The following HHLA2 variants were observed in gnomAD, a reference collection of about 807,000 sequenced individuals.
The protein encoded by HHLA2 is HHLA2 member of B7 family, also known as HERV-H LTR-associating protein 2.
HHLA2 carries 48 observed loss-of-function variants against 45.9 expected under a neutral mutation model. The observed-to-expected ratio is 1.05, with a 90% confidence interval of 0.83 to 1.33. HHLA2 has a LOEUF of 1.33. HHLA2 is among the 40% of genes most tolerant of loss of function. HHLA2 has a pLI of 0.00. For missense variants in HHLA2, 462 were observed against 494.3 expected (o/e 0.93, Z 0.62); for synonymous variants, 161 against 173.9 (o/e 0.93, Z 0.59).
At chr3:108,316,620 G>A (rs1249030691) in intron 2 of HHLA2, among the ~76,000 whole-genome samples, 1 of 152,142 alleles carries the variant, frequency 6.6e-6, no homozygotes, top group Non-Finnish European at 1.5e-5. Context: ...ATGCTGGAAA[G>A]GGAGACAGTT....
At chr3:108,318,762 T>A (rs2081146508) in intron 2 of HHLA2, among the ~76,000 whole-genome samples, 1 of 152,244 alleles carries the variant, frequency 6.6e-6, no homozygotes, top group Admixed American at 6.5e-5. Context: ...CTTTAAGCTA[T>A]AAGTTGTGTT....
intron 3 of HHLA2, among the ~76,000 whole-genome samples, chr3:108,340,425 T>C (rs2081544028): frequency 6.6e-6 from 1 of 152,186 alleles, no homozygotes; most frequent in African/African-American, 2.4e-5. Context: ...ACATGCTCCC[T>C]CTCTCGCCTA....
chr3:108,369,348 G>A (rs370815131), intron 8 of HHLA2, among the ~76,000 whole-genome samples: 13 of 152,252 alleles, frequency 8.5e-5, no homozygotes, highest in South Asian at 4.1e-4. Flanking sequence ...CAAGATGGCC[G>A]AATAGGAACA....
intron 7 of HHLA2, 81 bp downstream of exon 6, chr3:108,358,242 A>G: frequency 1.0e-6 from 1 of 985,630 alleles, no homozygotes; most frequent in Non-Finnish European, 1.5e-6. Context: ...AATTAGGTTG[A>G]CTTTTCAAGA....
At chr3:108,377,235 GA>G in intron 10 of HHLA2, 22 bp from the exon 10 acceptor site, 1 of 1,453,744 alleles carries the variant, frequency 6.9e-7, no homozygotes, top group Non-Finnish European at 9.6e-7. Flanking sequence ...CAGACATTTA[GA>G]GTCTATTTTT....
intron 3 of HHLA2, among the ~76,000 whole-genome samples, chr3:108,331,321 T>G (rs769089051): frequency 6.6e-6 from 1 of 152,146 alleles, no homozygotes; most frequent in South Asian, 2.1e-4. Context: ...TCAAAAAAAG[T>G]TGAAGGAAAC....
intron 1 of HHLA2, among the ~76,000 whole-genome samples, chr3:108,300,251 T>A (rs2080828432): frequency 6.6e-6 from 1 of 152,060 alleles, no homozygotes; most frequent in South Asian, 2.1e-4. Context: ...CAGCATGAAG[T>A]ACCAGCTTTT....
intron 3 of HHLA2, among the ~76,000 whole-genome samples, chr3:108,342,079 C>A (rs1034860508): frequency 6.6e-6 from 1 of 152,104 alleles, no homozygotes; most frequent in African/African-American, 2.4e-5. Context: ...TAGAGGCAGT[C>A]GCGTCCTGCA....
At chr3:108,313,658 C>T (rs2081057351) in intron 2 of HHLA2, among the ~76,000 whole-genome samples, 1 of 152,184 alleles carries the variant, frequency 6.6e-6, no homozygotes, top group South Asian at 2.1e-4. Context: ...CTGACTGCTA[C>T]AATGTGGCTG....
chr3:108,362,374 G>C (rs367912081), exon 8 of HHLA2: 19 of 1,612,474 alleles, frequency 1.2e-5, no homozygotes, highest in Non-Finnish European at 1.5e-5. Context: ...CCATAACAAA[G>C]GCTTATGGAT....
chr3:108,300,594 C>T (rs111278830), intron 1 of HHLA2, among the ~76,000 whole-genome samples: 6 of 152,176 alleles, frequency 3.9e-5, no homozygotes, highest in East Asian at 3.9e-4. Flanking sequence ...CTGGGTTTAG[C>T]GGTGTGTGAG....
intron 8 of HHLA2, among the ~76,000 whole-genome samples, chr3:108,369,067 A>T (rs112216426): frequency 2.0e-5 from 3 of 152,188 alleles, no homozygotes; most frequent in African/African-American, 7.2e-5. Flanking sequence ...GGATTAAGAA[A>T]CTCACTCAGA....
At chr3:108,377,110 C>G (rs1178642897) in intron 10 of HHLA2, 148 bp from the exon 10 acceptor site, 2 of 615,902 alleles carry the variant, frequency 3.2e-6, no homozygotes, top group East Asian at 5.5e-5. Context: ...TTATAATGGT[C>G]TCATGGATCT....
chr3:108,331,363 A>T (rs2081382643), intron 3 of HHLA2, among the ~76,000 whole-genome samples: 1 of 152,162 alleles, frequency 6.6e-6, no homozygotes, highest in Admixed American at 6.5e-5. Flanking sequence ...CCTCTCACTG[A>T]GGTTCATCCA....
intron 3 of HHLA2, among the ~76,000 whole-genome samples, chr3:108,333,359 G>A (rs2107388062): frequency 6.6e-6 from 1 of 152,204 alleles, no homozygotes; most frequent in East Asian, 1.9e-4. Context: ...TCTTTTATAT[G>A]AAAAGAAGTG....
At chr3:108,348,587 GGA>G (rs948060698) in intron 3 of HHLA2, among the ~76,000 whole-genome samples, 2 of 151,916 alleles carry the variant, frequency 1.3e-5, no homozygotes, top group Non-Finnish European at 2.9e-5. Flanking sequence ...AATTGATTCA[GGA>G]GAGAGAGAGA....
rs915533505 is a variant in HHLA2, at chr3:108,355,400, T to A, written c.685+19T>A. On this transcript the variant is annotated intron_variant, in intron 6 of 10. Transcript: ENST00000619531. ...ATGAAAGGTAGGCTCCACAGGACTT[T>A]CTGTGTACACGTGCTGTTTCAAAGT... 1.9e-6 allele frequency: 3 copies of A among 1,607,960 alleles called. No individual in the cohort carries two copies. The highest frequency in any genetic ancestry group is 2.6e-6 in the Non-Finnish European group (3 of 1,176,372).
In HHLA2 at chr3:108,357,338, G is replaced by A. The variant is rs56250135; in HGVS notation, c.686-506G>A. ...TCTCTTTAAAAGAGCTCAGTCCAGTGGGGGTTGCCTGCACACAGCTGGAAA... is the reference window on the plus strand; with the variant it reads ...TCTCTTTAAAAGAGCTCAGTCCAGTAGGGGTTGCCTGCACACAGCTGGAAA... On this transcript the variant is annotated intron_variant, in intron 6 of 10. Coordinates refer to ENST00000619531, the Ensembl canonical transcript of HHLA2. 2.2e-3 allele frequency among the ~76,000 whole-genome samples: 335 copies of A among 152,306 alleles called. 1 individual carries two copies. The highest frequency in any genetic ancestry group is 3.6e-3 in the Non-Finnish European group (243 of 68,016).
intron 3 of HHLA2, among the ~76,000 whole-genome samples, chr3:108,336,877 C>T (rs1175032228): frequency 1.3e-5 from 2 of 151,816 alleles, no homozygotes; most frequent in African/African-American, 4.8e-5. Flanking sequence ...TACCTAATAC[C>T]AGTTCTGGGT....
Sources: allele counts gnomAD v4.1 joint callset (sites outside exome capture counted in the v4.1 genomes callset), GRCh38; gene constraint gnomAD v4.1.1; transcripts MANE v1.5; gene names NCBI Gene and HGNC (gene_info 2026-07-23, HGNC 2026-07-21).